The following NFKB1 variants were observed in gnomAD, a reference collection of about 807,000 sequenced individuals.
NFKB1 encodes the protein nuclear factor kappa B subunit 1, also known as nuclear factor NF-kappa-B p105 subunit.
Under a neutral mutation model 105.1 loss-of-function variants are expected in NFKB1, and 9 were observed. The observed-to-expected ratio is 0.09, with a 90% CI of 0.05 to 0.15. The LOEUF (loss-of-function observed/expected upper bound fraction) is 0.15. Ranked by LOEUF, NFKB1 falls within the 10% of genes least tolerant of loss-of-function variation. The probability of loss-of-function intolerance (pLI) is 1.00; values close to 1 mark genes in which losing one functional copy is unlikely to be tolerated. For missense variants in NFKB1, 830 were observed against 1,203.7 expected, an observed-to-expected ratio of 0.69 and a Z score of 4.59; for synonymous variants, 440 against 442.2, an observed-to-expected ratio of 1.00 and a Z score of 0.06.
intron 5 of NFKB1, among the ~76,000 whole-genome samples, chr4:102,540,071 A>G (rs555642093): frequency 2.1e-4 from 32 of 152,286 alleles, no homozygotes; most frequent in Non-Finnish European, 4.0e-4. Context: ...AAGGGGATTG[A>G]AAGACACATG....
chr4:102,555,870 A>G (rs570215880), intron 5 of NFKB1, among the ~76,000 whole-genome samples: 1 of 152,342 alleles, frequency 6.6e-6, no homozygotes, highest in South Asian at 2.1e-4. Context: ...AATTATCAGC[A>G]GCATTGTGCT....
intron 5 of NFKB1, among the ~76,000 whole-genome samples, chr4:102,545,279 T>C (rs1158575181): frequency 6.6e-6 from 1 of 152,100 alleles, no homozygotes. Context: ...CCAGACTACC[T>C]TCACCTCCCT....
At chr4:102,575,885 A>G (rs1364309413) in intron 6 of NFKB1, among the ~76,000 whole-genome samples, 3 of 152,344 alleles carry the variant, frequency 2.0e-5, no homozygotes, top group African/African-American at 7.2e-5. Context: ...CAGTGAAGGT[A>G]GAGATTCTTT....
At chr4:102,527,713 T>A (rs1741011093) in intron 2 of NFKB1, among the ~76,000 whole-genome samples, 1 of 152,160 alleles carries the variant, frequency 6.6e-6, no homozygotes, top group Non-Finnish European at 1.5e-5. Context: ...CTAATTGTAT[T>A]ATCAAAACCG....
chr4:102,576,137 T>C (rs1724800933), intron 6 of NFKB1, among the ~76,000 whole-genome samples: 1 of 152,218 alleles, frequency 6.6e-6, no homozygotes, highest in Non-Finnish European at 1.5e-5. Context: ...TTTATAAATA[T>C]GTAGCCTTCG....
At position 102,578,901 on chromosome 4, in the gene NFKB1, C is replaced by T. The variant is rs370846760; in HGVS notation, c.592C>T (p.Arg198Cys). 16 of 1,613,920 alleles carry T rather than the reference C, an allele frequency of 9.9e-6. No individual in the cohort carries two copies. The highest frequency in any genetic ancestry group is 5.5e-5 in the South Asian group (5 of 91,084). The change falls in exon 8 of 24, where the codon CGC becomes TGC. Residue 198 changes from arginine to cysteine, a missense_variant. Transcript: ENST00000226574. ...QLGDREKELI[R>C]QAALQQTKEM... ...CCTAGATCGGGAAAAAGAGCTAATC[C>T]GCCAAGCAGCTCTGCAGCAGACCAA...
chr4:102,519,333 GTA>G (rs1740415534), intron 1 of NFKB1, among the ~76,000 whole-genome samples: 2 of 144,700 alleles, frequency 1.4e-5, no homozygotes, highest in Admixed American at 6.9e-5. Context: ...TATATATAAA[GTA>G]TATATATAAA....
chr4:102,521,484 ACT>A (rs1740569659), intron 1 of NFKB1, among the ~76,000 whole-genome samples: 1 of 152,090 alleles, frequency 6.6e-6, no homozygotes, highest in Middle Eastern at 3.2e-3. Flanking sequence ...TCCCAACTGT[ACT>A]CTCTGGATGG....
At chr4:102,560,151 C>T (rs560268805) in intron 5 of NFKB1, among the ~76,000 whole-genome samples, 67 of 152,166 alleles carry the variant, frequency 4.4e-4, no homozygotes, top group African/African-American at 1.5e-3. Flanking sequence ...GCCATCCAAA[C>T]GTAAAGATTT....
chr4:102,567,103 T>A lies in NFKB1; in HGVS notation c.375T>A (p.Thr125=). The change falls in exon 6 of 24, where the codon ACT becomes ACA. Residue 125 remains threonine, a synonymous_variant. Coordinates refer to ENST00000226574, the MANE Select transcript of NFKB1 (RefSeq NM_003998.4). ...VGKHCEDGIC[T]VTAGPKDMVV... is the part of the protein sequence containing the mutation. ...AACACTGTGAGGATGGGATCTGCAC[T>A]GTAACTGCTGGACCCAAGGACATGG... The A allele has an allele frequency of 6.2e-7, 1 of 1,613,800 alleles. No homozygotes were observed. Among genetic ancestry groups the A allele is most frequent in the Non-Finnish European group, 8.5e-7 (1 of 1,179,742 alleles).
chr4:102,526,502 C>G (rs1167045948), intron 2 of NFKB1, among the ~76,000 whole-genome samples: 1 of 150,858 alleles, frequency 6.6e-6, no homozygotes, highest in Non-Finnish European at 1.5e-5. Context: ...CAATTTATAC[C>G]AAAAAAAAAT....
At chr4:102,602,701 C>G (rs1213061756) in intron 16 of NFKB1, among the ~76,000 whole-genome samples, 2 of 152,172 alleles carry the variant, frequency 1.3e-5, no homozygotes, top group African/African-American at 2.4e-5. Flanking sequence ...CACCATTAGG[C>G]TTCTTCACTG....
intron 5 of NFKB1, among the ~76,000 whole-genome samples, chr4:102,564,410 A>T (rs1170385444): frequency 2.6e-5 from 4 of 152,176 alleles, no homozygotes; most frequent in Non-Finnish European, 5.9e-5. Context: ...GTCTTCTCAC[A>T]CTTCAGCTTT....
intron 18 of NFKB1, among the ~76,000 whole-genome samples, 163 bp downstream of exon 18, chr4:102,607,482 A>T (rs1172708576): frequency 6.6e-6 from 1 of 151,718 alleles, no homozygotes; most frequent in African/African-American, 2.4e-5. Context: ...CATTCCCCCA[A>T]CCCCCTTGCT....
chr4:102,604,937 A>G (rs1727560032), intron 16 of NFKB1, among the ~76,000 whole-genome samples: 1 of 151,536 alleles, frequency 6.6e-6, no homozygotes, highest in Non-Finnish European at 1.5e-5. Flanking sequence ...GGTTTATATC[A>G]TGGAAAACCA....
chr4:102,588,966 A>G (rs761901954), intron 11 of NFKB1, among the ~76,000 whole-genome samples: 4 of 152,206 alleles, frequency 2.6e-5, no homozygotes, highest in Non-Finnish European at 5.9e-5. Context: ...TGTCAAAAGC[A>G]GACCGCAAGG....
At chr4:102,589,078 A>G (rs541612901) in intron 11 of NFKB1, among the ~76,000 whole-genome samples, 1 of 152,288 alleles carries the variant, frequency 6.6e-6, no homozygotes, top group African/African-American at 2.4e-5. Context: ...AATGTTCTGT[A>G]TCAGTTTCTT....
At chr4:102,558,963 G>A (rs1723193818) in intron 5 of NFKB1, among the ~76,000 whole-genome samples, 2 of 152,212 alleles carry the variant, frequency 1.3e-5, no homozygotes, top group South Asian at 4.1e-4. Context: ...TTTGGTAGGG[G>A]TAGAGTGGTC....
intron 5 of NFKB1, among the ~76,000 whole-genome samples, chr4:102,563,382 C>G (rs1243145739): frequency 1.3e-5 from 2 of 151,860 alleles, no homozygotes; most frequent in Admixed American, 6.6e-5. Context: ...AAAATATTTA[C>G]CCTGGAAATA....
Sources: gnomAD v4.1 joint callset for allele counts (sites outside exome capture counted in the v4.1 genomes callset) on GRCh38, gnomAD v4.1.1 for gene constraint, MANE v1.5 for transcripts, NCBI Gene and HGNC (gene_info 2026-07-23, HGNC 2026-07-21) for gene names.